HYDIN: variants seen among roughly 807,000 people sequenced by gnomAD.
The protein encoded by HYDIN is axonemal central pair apparatus protein HYDIN.
Under a neutral mutation model 403.9 loss-of-function variants are expected in HYDIN, and 132 were observed. That is an observed-to-expected ratio of 0.33 (90% confidence interval 0.28 to 0.38). The LOEUF is 0.38. Among genes scored for constraint, HYDIN ranks in the 10% least tolerant of loss-of-function variants. The pLI, the probability that HYDIN is intolerant of heterozygous loss-of-function variation, is 1.00. For synonymous variants in HYDIN, 1,202 were observed against 1,891.7 expected (o/e 0.64, Z 9.46); for missense variants, 2,827 against 5,009.5 (o/e 0.56, Z 13.15).
chr16:71,227,518 T>C (rs953821068), intron 1 of HYDIN, among the ~76,000 whole-genome samples: 2 of 151,960 alleles, frequency 1.3e-5, no homozygotes, highest in African/African-American at 2.4e-5. Flanking sequence ...TATACACCAA[T>C]AACAGACAAA....
At chr16:70,922,419 T>A (rs2077023067) in intron 45 of HYDIN, among the ~76,000 whole-genome samples, 2 of 152,354 alleles carry the variant, frequency 1.3e-5, no homozygotes, top group South Asian at 4.1e-4. Flanking sequence ...ACATGATTAA[T>A]GGACTTGGGC....
At chr16:71,228,341 C>T (rs111494818) in intron 1 of HYDIN, among the ~76,000 whole-genome samples, 9 of 152,112 alleles carry the variant, frequency 5.9e-5, no homozygotes, top group South Asian at 4.1e-4. Context: ...AGCTTCTGCA[C>T]AGCAAAAGAA....
chr16:71,178,737 A>T (rs899017529), intron 4 of HYDIN, among the ~76,000 whole-genome samples, 191 bp downstream of exon 4: 6 of 152,232 alleles, frequency 3.9e-5, no homozygotes, highest in African/African-American at 1.4e-4. Flanking sequence ...ACTGGTTAGG[A>T]CTCAACATAT....
chr16:71,205,034 A>G (rs926636843), intron 1 of HYDIN, among the ~76,000 whole-genome samples: 2 of 152,256 alleles, frequency 1.3e-5, no homozygotes, highest in Non-Finnish European at 2.9e-5. Flanking sequence ...GCAAAGCCCT[A>G]GAACACCATA....
intron 11 of HYDIN, chr16:71,090,188 T>C (rs1044351540): frequency 1.6e-5 from 2 of 122,962 alleles, no homozygotes; most frequent in African/African-American, 3.9e-5. Context: ...CTAAGGTCCC[T>C]GGTAGCAGGA....
chr16:70,875,612 G>C (rs963097951), intron 62 of HYDIN, among the ~76,000 whole-genome samples: 8 of 152,282 alleles, frequency 5.3e-5, no homozygotes, highest in Admixed American at 3.9e-4. Flanking sequence ...AAGCTTCTGA[G>C]ATAAAAAATT....
chr16:71,148,547 T>C (rs2144565956), intron 7 of HYDIN, among the ~76,000 whole-genome samples: 1 of 152,254 alleles, frequency 6.6e-6, no homozygotes, highest in Non-Finnish European at 1.5e-5. Flanking sequence ...TATACAAAAC[T>C]TAACTGTAGT....
intron 9 of HYDIN, among the ~76,000 whole-genome samples, chr16:71,122,896 C>T (rs1446104321): frequency 6.8e-5 from 8 of 118,158 alleles, no homozygotes; most frequent in Non-Finnish European, 1.4e-4. Context: ...TTCCCCTGCT[C>T]GCTGATGTCC....
chr16:71,188,283 A>G (rs1033288881), intron 1 of HYDIN, among the ~76,000 whole-genome samples: 2 of 152,044 alleles, frequency 1.3e-5, no homozygotes, highest in African/African-American at 4.8e-5. Context: ...GATTCAAGCT[A>G]TTTTTGAACC....
At chr16:70,981,893 C>T (rs958117191) in intron 28 of HYDIN, among the ~76,000 whole-genome samples, 1 of 151,906 alleles carries the variant, frequency 6.6e-6, no homozygotes, top group African/African-American at 2.4e-5. Flanking sequence ...CTTTGGGAGG[C>T]TGAGGTGGGT....
chr16:71,152,253 G>T (rs1425234144), intron 7 of HYDIN, among the ~76,000 whole-genome samples: 1 of 151,572 alleles, frequency 6.6e-6, no homozygotes, highest in Non-Finnish European at 1.5e-5. Context: ...TTATCTTGTG[G>T]ATCTTAGCTT....
intron 84 of HYDIN, among the ~76,000 whole-genome samples, chr16:70,813,707 CTTTTT>C (rs1307549438): frequency 6.6e-6 from 1 of 151,700 alleles, no homozygotes; most frequent in African/African-American, 2.4e-5. Flanking sequence ...TTTTTCTTTT[CTTTTT>C]ATTTTTTATT....
chr16:71,076,165 T>G (rs1382828863), intron 13 of HYDIN, among the ~76,000 whole-genome samples: 1 of 152,212 alleles, frequency 6.6e-6, no homozygotes, highest in African/African-American at 2.4e-5. Context: ...AGAGATTAAC[T>G]TCACACTGTC....
intron 30 of HYDIN, among the ~76,000 whole-genome samples, chr16:70,976,222 G>A (rs1283567940): frequency 6.6e-6 from 1 of 152,242 alleles, no homozygotes; most frequent in Non-Finnish European, 1.5e-5. Context: ...GGAATGAAAA[G>A]GCTTGGATCT....
chr16:71,188,920 T>A lies in HYDIN; in HGVS notation c.-23-2002A>T, dbSNP rs187547840. 1.1e-3 allele frequency among the ~76,000 whole-genome samples: 164 copies of A among 152,196 alleles called. 1 individual carries two copies. Among genetic ancestry groups the A allele is most frequent in the African/African-American group, 3.8e-3 (156 of 41,548 alleles). ...AATCTAGAAATATTAGAAGCAACAG[T>A]CTGATCATAATACAACAAAGCTAGA... On this transcript the variant is annotated intron_variant, in intron 1 of 85. Transcript: ENST00000393567.
chr16:71,041,260 A>G (rs925439641), intron 18 of HYDIN, among the ~76,000 whole-genome samples: 11 of 149,032 alleles, frequency 7.4e-5, no homozygotes, highest in South Asian at 4.3e-4. Flanking sequence ...TAGGAGTGAT[A>G]TTTTTCAACA....
intron 80 of HYDIN, among the ~76,000 whole-genome samples, chr16:70,830,897 C>T (rs1039658758): frequency 1.1e-4 from 17 of 151,960 alleles, no homozygotes; most frequent in Non-Finnish European, 1.9e-4. Context: ...ATCTGGGGTT[C>T]AAGGGAAGAG....
intron 53 of HYDIN, among the ~76,000 whole-genome samples, chr16:70,900,348 G>A (rs577520683): frequency 4.6e-5 from 7 of 151,662 alleles, no homozygotes; most frequent in South Asian, 2.1e-4. Flanking sequence ...GTAGTGGCGC[G>A]TGCCTGTAGT....
At chr16:70,898,323 G>C (rs1774448) in intron 53 of HYDIN, among the ~76,000 whole-genome samples, 5 of 152,178 alleles carry the variant, frequency 3.3e-5, no homozygotes, top group Admixed American at 1.3e-4. Flanking sequence ...CCAGCAACTA[G>C]AGGACGAAGC....
Sources: gnomAD v4.1 joint callset for allele counts (sites outside exome capture counted in the v4.1 genomes callset) on GRCh38, gnomAD v4.1.1 for gene constraint, MANE v1.5 for transcripts, NCBI Gene and HGNC (gene_info 2026-07-23, HGNC 2026-07-21) for gene names.